The following WASHC5 variants were observed in gnomAD, a reference collection of about 807,000 sequenced individuals.
The protein encoded by WASHC5 is WASH complex subunit strumpellin.
WASHC5 carries 101 observed loss-of-function variants against 150.4 expected under a neutral mutation model. The observed-to-expected ratio is 0.67, with a 90% confidence interval of 0.57 to 0.79. The LOEUF (loss-of-function observed/expected upper bound fraction) is 0.79, where lower values mean the gene tolerates loss of function less well. Ranked by LOEUF, WASHC5 falls within the 30% of genes least tolerant of loss-of-function variation. The probability of loss-of-function intolerance (pLI) is 0.00; values close to 1 mark genes in which losing one functional copy is unlikely to be tolerated. For synonymous variants in WASHC5, 467 were observed against 491.2 expected (o/e 0.95, Z 0.65); for missense variants, 1,195 against 1,396.3 (o/e 0.86, Z 2.30).
chr8:125,077,773 G>A (rs1385716797), intron 6 of WASHC5, among the ~76,000 whole-genome samples: 1 of 151,098 alleles, frequency 6.6e-6, no homozygotes, highest in African/African-American at 2.5e-5. Flanking sequence ...GCTATTGTGA[G>A]GAACAGAGAA....
chr8:125,057,772 C>A, intron 14 of WASHC5, 106 bp from the exon 15 acceptor site: 1 of 709,642 alleles, frequency 1.4e-6, no homozygotes, highest in African/African-American at 3.0e-5. Flanking sequence ...TTTTACCCAA[C>A]AGAGGGCATT....
chr8:125,074,240 C>G (rs1049441669), intron 8 of WASHC5, among the ~76,000 whole-genome samples: 11 of 152,124 alleles, frequency 7.2e-5, no homozygotes, highest in African/African-American at 2.2e-4. Flanking sequence ...TCTGATGTTG[C>G]TAAGTATAAA....
chr8:125,044,633 C>T lies in WASHC5; in HGVS notation c.2570G>A (p.Ser857Asn), dbSNP rs762650661. The T allele has an allele frequency of 6.2e-7, 1 of 1,614,072 alleles. No homozygotes were observed. The highest frequency in any genetic ancestry group is 8.5e-7 in the Non-Finnish European group (1 of 1,179,930). Reference protein sequence around the residue: ...YDMKTHQEVTSSRLFSEIQTT... With the variant: ...YDMKTHQEVTNSRLFSEIQTT... ...CTGGATTTCTGAGAAGAGGCGGCTGCTGGTCACTTCCTGATGAGTTTTCAT... is the reference window on the plus strand; with the variant it reads ...CTGGATTTCTGAGAAGAGGCGGCTGTTGGTCACTTCCTGATGAGTTTTCAT... Residue 857 changes from serine (S) to asparagine (N), a missense_variant, in exon 21 of 29, where the codon AGC becomes AAC. Physicochemically the swap from Ser to Asn is conservative, Grantham distance 46. Coordinates refer to ENST00000318410, the MANE Select transcript of WASHC5 (RefSeq NM_014846.4).
chr8:125,051,765 T>C (rs1816247748), intron 17 of WASHC5, among the ~76,000 whole-genome samples: 1 of 152,174 alleles, frequency 6.6e-6, no homozygotes, highest in Non-Finnish European at 1.5e-5. Context: ...CACATGCCTG[T>C]TGTCCCAGTT....
At chr8:125,076,217 GA>G (rs1318143621) in intron 7 of WASHC5, 130 bp downstream of exon 7, 4 of 816,936 alleles carry the variant, frequency 4.9e-6, no homozygotes, top group African/African-American at 1.7e-5. Flanking sequence ...AATACAGTTA[GA>G]GCAAGTTTAC....
At position 125,029,430 on chromosome 8, in the gene WASHC5, ATAGT is replaced by A. The variant is rs747339174; in HGVS notation, c.3336-727_3336-724del. ...TCCCTGATTCTCCTGGGCTGTCATAATAGTTAGCAGCATTCTCCAAGCCTCTTAA... is the reference window on the plus strand; with the variant it reads ...TCCCTGATTCTCCTGGGCTGTCATAATAGCAGCATTCTCCAAGCCTCTTAA... On this transcript the variant is annotated intron_variant, in intron 27 of 28. Transcript: ENST00000318410. Among the ~76,000 whole-genome samples the A allele has an allele frequency of 4.1e-4, 62 of 152,280 alleles. 1 individual carries two copies. The highest frequency in any genetic ancestry group is 7.8e-4 in the Non-Finnish European group (53 of 68,010).
chr8:125,082,305 T>G, intron 4 of WASHC5, 78 bp downstream of exon 4: 2 of 829,468 alleles, frequency 2.4e-6, no homozygotes, highest in South Asian at 2.8e-5. Flanking sequence ...TTCGTATATA[T>G]TTGTGACTTA....
intron 5 of WASHC5, among the ~76,000 whole-genome samples, chr8:125,080,748 T>C (rs1329750303): frequency 6.6e-6 from 1 of 152,248 alleles, no homozygotes; most frequent in African/African-American, 2.4e-5. Context: ...AGGTGGCTCC[T>C]GTTTTCAAGA....
intron 6 of WASHC5, 57 bp from the exon 7 acceptor site, chr8:125,076,557 T>C: frequency 1.3e-6 from 2 of 1,597,426 alleles, no homozygotes; most frequent in South Asian, 1.1e-5. Context: ...CACGTAGACA[T>C]GCTCAAATTA....
chr8:125,024,389 T>A lies in WASHC5; in HGVS notation c.*228A>T. 2 of 584,766 alleles carry A rather than the reference T, an allele frequency of 3.4e-6. No homozygotes were observed. The highest frequency in any genetic ancestry group is 4.1e-5 in the South Asian group (2 of 48,288). 36.2% of individuals were successfully genotyped at this position (584,766 alleles called of 1,614,324 possible). ...TTAAGAGAGGCAGTACAAAAATGTG[T>A]TCTGCTTTTATCTGATATAAATTGC... On this transcript the variant is annotated 3_prime_UTR_variant, in exon 29 of 29. Transcript: ENST00000318410.
chr8:125,054,255 T>A (rs1245566070), intron 17 of WASHC5, among the ~76,000 whole-genome samples: 1 of 152,160 alleles, frequency 6.6e-6, no homozygotes. Context: ...ATCTGACCTA[T>A]AGCAATATAA....
chr8:125,026,491 A>G (rs1431777339), intron 28 of WASHC5, among the ~76,000 whole-genome samples: 1 of 152,108 alleles, frequency 6.6e-6, no homozygotes, highest in Non-Finnish European at 1.5e-5. Flanking sequence ...ATACTTAGGA[A>G]TTTCTGAGAG....
At chr8:125,072,352 T>G (rs374898111) in intron 9 of WASHC5, among the ~76,000 whole-genome samples, 319 of 16,754 alleles carry the variant, frequency 0.019, 1 homozygote, top group Middle Eastern at 0.062. Flanking sequence ...AAAAAAAAAG[T>G]GGGGGGGGGG....
chr8:125,036,147 T>C (rs1221047235), intron 26 of WASHC5, among the ~76,000 whole-genome samples: 2 of 152,268 alleles, frequency 1.3e-5, no homozygotes, highest in Non-Finnish European at 2.9e-5. Flanking sequence ...CATGTATAAA[T>C]ATTAGTCTTA....
chr8:125,084,516 G>A (rs75160626), intron 1 of WASHC5, among the ~76,000 whole-genome samples: 19,728 of 152,160 alleles, frequency 0.13, 3,117 homozygotes, highest in African/African-American at 0.38. Flanking sequence ...GCTAGGTTCT[G>A]CAAAATTCTG....
Position 125,063,518 on chromosome 8 carries a change from T to G in WASHC5, c.1408+4A>C, listed in dbSNP as rs780340651. 11 of 1,613,580 alleles carry G rather than the reference T, an allele frequency of 6.8e-6. No individual in the cohort carries two copies. The highest frequency in any genetic ancestry group is 9.3e-6 in the Non-Finnish European group (11 of 1,179,654). On this transcript the variant is annotated splice_donor_region_variant and intron_variant, in intron 11 of 28. Coordinates refer to ENST00000318410, the MANE Select transcript of WASHC5 (RefSeq NM_014846.4). Reference sequence around the variant, plus strand: ...CACACCAGTATTTCCTCTTCAGTAATTACCATTTTTCTCCACTCTGGTTAG... The same window carrying G: ...CACACCAGTATTTCCTCTTCAGTAAGTACCATTTTTCTCCACTCTGGTTAG...
rs1190058913 is a variant in WASHC5, at chr8:125,081,687, C to T, written c.492G>A (p.Arg164=). 6.2e-7 allele frequency: 1 copy of T among 1,611,058 alleles called. No individual in the cohort carries two copies. Among genetic ancestry groups the T allele is most frequent in the South Asian group, 1.1e-5 (1 of 91,030 alleles). The change falls in exon 5 of 29, where the codon AGG becomes AGA. Residue 164 remains arginine, a synonymous_variant. Coordinates refer to ENST00000318410, the MANE Select transcript of WASHC5 (RefSeq NM_014846.4). The part of the protein sequence containing the change: ...DQKIEGEVRE[R]MLVSYYRYSA... Reference sequence around the variant, plus strand: ...TGTATCGGTAGTAAGAAACCAGCATCCTCTCTCTGACTTCTCCTTCAATCT... The same window carrying T: ...TGTATCGGTAGTAAGAAACCAGCATTCTCTCTCTGACTTCTCCTTCAATCT...
At chr8:125,064,480 C>T (rs1351128565) in intron 10 of WASHC5, among the ~76,000 whole-genome samples, 1 of 151,884 alleles carries the variant, frequency 6.6e-6, no homozygotes, top group Admixed American at 6.6e-5. Flanking sequence ...CCTTGGTCTC[C>T]CACACTGTTG....
At chr8:125,028,139 T>G (rs1456821722) in intron 28 of WASHC5, among the ~76,000 whole-genome samples, 1 of 152,228 alleles carries the variant, frequency 6.6e-6, no homozygotes, top group Non-Finnish European at 1.5e-5. Flanking sequence ...CAAAGTGGAA[T>G]TACTAATGAG....
Sources: gnomAD v4.1 joint callset for allele counts (sites outside exome capture counted in the v4.1 genomes callset) on GRCh38, gnomAD v4.1.1 for gene constraint, MANE v1.5 for transcripts, NCBI Gene and HGNC (gene_info 2026-07-23, HGNC 2026-07-21) for gene names.